Variants in SUGCT observed in about 807,000 individuals in gnomAD.
SUGCT encodes the protein succinyl-CoA:glutarate CoA-transferase.
SUGCT carries 41 observed loss-of-function variants against 55.0 expected under a neutral mutation model. The observed-to-expected ratio is 0.74, with a 90% CI of 0.58 to 0.97. The LOEUF (loss-of-function observed/expected upper bound fraction) is 0.97. Ranked by LOEUF, SUGCT falls within the 50% of genes least tolerant of loss-of-function variation. The probability of loss-of-function intolerance (pLI) is 0.00; values close to 1 mark genes in which losing one functional copy is unlikely to be tolerated. For synonymous variants in SUGCT, 187 were observed against 200.4 expected (o/e 0.93, Z 0.56); for missense variants, 568 against 547.8 (o/e 1.04, Z -0.37).
chr7:40,581,945 T>A (rs1372407701), intron 12 of SUGCT, among the ~76,000 whole-genome samples: 4 of 152,110 alleles, frequency 2.6e-5, no homozygotes. Flanking sequence ...GCATGACTAA[T>A]CTGAGGAAAT....
chr7:40,765,280 G>T, intron 13 of SUGCT, among the ~76,000 whole-genome samples: 1 of 152,094 alleles, frequency 6.6e-6, no homozygotes, highest in Non-Finnish European at 1.5e-5. Context: ...CTCCAAACCA[G>T]AGGTTCTCAT....
At chr7:40,781,358 A>G (rs753422105) in intron 13 of SUGCT, among the ~76,000 whole-genome samples, 1 of 152,160 alleles carries the variant, frequency 6.6e-6, no homozygotes, top group Non-Finnish European at 1.5e-5. Flanking sequence ...ATAAAAGATA[A>G]GTAACAATCG....
intron 13 of SUGCT, among the ~76,000 whole-genome samples, chr7:40,795,007 G>A (rs1403262841): frequency 1.3e-5 from 2 of 152,088 alleles, no homozygotes; most frequent in African/African-American, 4.8e-5. Flanking sequence ...ATATACACCT[G>A]GAATAGCGCT....
At chr7:40,891,143 G>A in the SUGCT span, among the ~76,000 whole-genome samples, 1 of 152,112 alleles carries the variant, frequency 6.6e-6, no homozygotes, top group Admixed American at 6.5e-5. Context: ...AGTCAAGAAA[G>A]TCTATGGAAC....
the SUGCT span, among the ~76,000 whole-genome samples, chr7:41,015,116 C>T: frequency 6.6e-6 from 1 of 152,144 alleles, no homozygotes; most frequent in African/African-American, 2.4e-5. Flanking sequence ...CTTTCCCTCT[C>T]CATGGTCCAG....
chr7:40,153,617 T>C, intron 1 of SUGCT: 1 of 521,988 alleles, frequency 1.9e-6, no homozygotes, highest in South Asian at 1.4e-5. Flanking sequence ...TGCTACCTTA[T>C]GTTATAATAG....
chr7:40,660,439 A>G (rs578239161), intron 12 of SUGCT, among the ~76,000 whole-genome samples: 25 of 152,182 alleles, frequency 1.6e-4, no homozygotes, highest in Admixed American at 6.5e-4. Flanking sequence ...TTGTATTTTT[A>G]GTAGAGACGG....
chr7:40,225,804 C>T (rs1169871717), intron 6 of SUGCT, among the ~76,000 whole-genome samples: 2 of 152,106 alleles, frequency 1.3e-5, no homozygotes, highest in African/African-American at 2.4e-5. Flanking sequence ...TGAGTGTTTA[C>T]AGTTTAGTAA....
At chr7:40,518,608 G>T (rs1793371931) in intron 12 of SUGCT, among the ~76,000 whole-genome samples, 1 of 152,120 alleles carries the variant, frequency 6.6e-6, no homozygotes, top group East Asian at 1.9e-4. Context: ...AGAAGCAGTT[G>T]TATCCCAGAT....
At chr7:40,787,979 A>G (rs575086767) in intron 13 of SUGCT, among the ~76,000 whole-genome samples, 120 of 152,238 alleles carry the variant, frequency 7.9e-4, no homozygotes, top group African/African-American at 2.8e-3. Flanking sequence ...GCGAGGTGTT[A>G]GAGACCAGGG....
the SUGCT span, among the ~76,000 whole-genome samples, chr7:40,881,477 T>A: frequency 6.6e-6 from 1 of 152,230 alleles, no homozygotes; most frequent in African/African-American, 2.4e-5. Context: ...CTCAGGTACA[T>A]GTTTATGGAA....
chr7:40,785,439 C>T (rs1789962285), intron 13 of SUGCT, among the ~76,000 whole-genome samples: 1 of 152,186 alleles, frequency 6.6e-6, no homozygotes, highest in East Asian at 1.9e-4. Context: ...ACATTTGATA[C>T]TGAGATTTCT....
intron 12 of SUGCT, among the ~76,000 whole-genome samples, chr7:40,632,288 G>C (rs1008593398): frequency 5.3e-5 from 8 of 151,964 alleles, no homozygotes; most frequent in Non-Finnish European, 1.2e-4. Context: ...CCTTTTGCTG[G>C]AAAGTAAGAA....
At chr7:40,744,524 G>A (rs1432053470) in intron 12 of SUGCT, among the ~76,000 whole-genome samples, 2 of 148,256 alleles carry the variant, frequency 1.3e-5, no homozygotes, top group Admixed American at 1.4e-4. Context: ...ATTTTTTTTT[G>A]TCTCCAACTG....
chr7:40,295,492 C>A (rs1412038692), intron 8 of SUGCT, among the ~76,000 whole-genome samples: 1 of 152,172 alleles, frequency 6.6e-6, no homozygotes, highest in Non-Finnish European at 1.5e-5. Flanking sequence ...AGGCGAATCA[C>A]TTGAACCTGG....
intron 9 of SUGCT, among the ~76,000 whole-genome samples, chr7:40,344,432 G>T (rs1797210565): frequency 6.6e-6 from 1 of 151,994 alleles, no homozygotes; most frequent in African/African-American, 2.4e-5. Flanking sequence ...CATGAGCTAC[G>T]AATAGTTTTC....
the SUGCT span, among the ~76,000 whole-genome samples, chr7:41,010,613 G>C: frequency 1.3e-5 from 2 of 152,166 alleles, no homozygotes; most frequent in South Asian, 4.1e-4. Flanking sequence ...GCCATAGGGT[G>C]GTGCTGGGTG....
At chr7:40,780,835 C>CT (rs1554420201) in intron 13 of SUGCT, among the ~76,000 whole-genome samples, 1 of 141,488 alleles carries the variant, frequency 7.1e-6, no homozygotes, top group Non-Finnish European at 1.5e-5. Flanking sequence ...GCATTGAAAA[C>CT]TTTTAAATAT....
intron 12 of SUGCT, among the ~76,000 whole-genome samples, chr7:40,626,105 A>T (rs1203184492): frequency 1.3e-5 from 2 of 152,156 alleles, no homozygotes; most frequent in African/African-American, 4.8e-5. Context: ...CTACCATACC[A>T]GGGCATTCAA....
Sources: gnomAD v4.1 joint callset for allele counts (sites outside exome capture counted in the v4.1 genomes callset) on GRCh38, gnomAD v4.1.1 for gene constraint, MANE v1.5 for transcripts, NCBI Gene and HGNC (gene_info 2026-07-23, HGNC 2026-07-21) for gene names.